MALRD1: variants seen among roughly 807,000 people sequenced by gnomAD.
MALRD1 encodes the protein MAM and LDL-receptor class A domain-containing protein 1.
Under a neutral mutation model 242.1 loss-of-function variants are expected in MALRD1, and 247 were observed. That is an observed-to-expected ratio of 1.02 (90% CI 0.92 to 1.13). The LOEUF (loss-of-function observed/expected upper bound fraction) is 1.13. MALRD1 is among the 50% of genes most tolerant of loss of function. The pLI is 0.00. For missense variants in MALRD1, 2,989 were observed against 2,533.1 expected, an observed-to-expected ratio of 1.18 and a Z score of -3.86; for synonymous variants, 995 against 866.6, an observed-to-expected ratio of 1.15 and a Z score of -2.60.
intron 29 of MALRD1, among the ~76,000 whole-genome samples, chr10:19,472,129 C>T (rs566550979): frequency 1.3e-5 from 2 of 152,102 alleles, no homozygotes; most frequent in African/African-American, 4.8e-5. Context: ...TGAAATTTGT[C>T]AAATGCTTTT....
chr10:19,120,213 G>A (rs1837013156), intron 5 of MALRD1, among the ~76,000 whole-genome samples: 1 of 151,904 alleles, frequency 6.6e-6, no homozygotes, highest in Non-Finnish European at 1.5e-5. Flanking sequence ...AAAACCACAA[G>A]AGAGACTGAG....
intron 23 of MALRD1, among the ~76,000 whole-genome samples, chr10:19,329,205 C>T (rs976755766): frequency 1.3e-5 from 2 of 152,154 alleles, no homozygotes; most frequent in African/African-American, 4.8e-5. Context: ...TAAGCACTTA[C>T]TACGTGCAAA....
chr10:19,491,318 C>T (rs1837483673), intron 29 of MALRD1, 199 bp from the exon 30 acceptor site: 7 of 731,388 alleles, frequency 9.6e-6, no homozygotes, highest in Admixed American at 2.3e-5. Context: ...AAAGATATTT[C>T]AGAAGTAGAG....
At chr10:19,291,330 T>A (rs1841412090) in intron 21 of MALRD1, 2 of 152,128 alleles carry the variant, frequency 1.3e-5, no homozygotes, top group Non-Finnish European at 2.9e-5. Flanking sequence ...ACTGAAAATT[T>A]ATATATAAAT....
chr10:19,358,046 A>G (rs1268617896), intron 26 of MALRD1, among the ~76,000 whole-genome samples: 4 of 152,132 alleles, frequency 2.6e-5, no homozygotes, highest in Non-Finnish European at 5.9e-5. Flanking sequence ...ATGAAGGATA[A>G]AAATAATTGT....
intron 36 of MALRD1, among the ~76,000 whole-genome samples, chr10:19,624,089 G>C (rs140121388): frequency 7.6e-4 from 115 of 152,214 alleles, no homozygotes; most frequent in African/African-American, 2.7e-3. Context: ...AATTCTCATG[G>C]AGGTGAATTT....
chr10:19,409,591 A>C (rs1833187879), intron 28 of MALRD1, among the ~76,000 whole-genome samples: 1 of 152,162 alleles, frequency 6.6e-6, no homozygotes, highest in African/African-American at 2.4e-5. Context: ...GTGGTAATTG[A>C]AATGTTTTGT....
At chr10:19,629,504 A>G (rs780297237) in intron 36 of MALRD1, among the ~76,000 whole-genome samples, 2 of 152,028 alleles carry the variant, frequency 1.3e-5, no homozygotes, top group African/African-American at 2.4e-5. Flanking sequence ...TCACTCCATC[A>G]CCCATCCTAA....
chr10:19,198,242 C>T lies in MALRD1; in HGVS notation c.1952-5486C>T, dbSNP rs1338528886. 2.0e-5 allele frequency among the ~76,000 whole-genome samples: 3 copies of T among 152,140 alleles called. No individual in the cohort carries two copies. In the East Asian group the frequency reaches 5.8e-4, roughly 29 times the overall value. On this transcript the variant is annotated intron_variant, in intron 14 of 39. Coordinates refer to ENST00000454679, the MANE Select transcript of MALRD1 (RefSeq NM_001142308.3). ...GACACAAGAGGTGAGATTCCTGTGTCACAGACAGATGACTTTATTACTAAT... is the reference window on the plus strand; with the variant it reads ...GACACAAGAGGTGAGATTCCTGTGTTACAGACAGATGACTTTATTACTAAT...
rs16918326 is a variant in MALRD1 at position 19,185,175 on chromosome 10, A to G, written c.1951+9847A>G. 8.6e-3 allele frequency among the ~76,000 whole-genome samples: 1,303 copies of G among 152,324 alleles called. 14 individuals carry two copies. Among genetic ancestry groups the G allele is most frequent in the African/African-American group, 0.03 (1,234 of 41,582 alleles). On this transcript the variant is annotated intron_variant, in intron 14 of 39. Coordinates refer to ENST00000454679, the MANE Select transcript of MALRD1 (RefSeq NM_001142308.3). ...AAATGGTACATTTTCTCACGCCTACATTGTATTAACAGGACATATATAAAC... is the reference window on the plus strand; with the variant it reads ...AAATGGTACATTTTCTCACGCCTACGTTGTATTAACAGGACATATATAAAC...
chr10:19,523,294 T>C (rs950894944), intron 31 of MALRD1, among the ~76,000 whole-genome samples: 1 of 152,174 alleles, frequency 6.6e-6, no homozygotes, highest in African/African-American at 2.4e-5. Context: ...TACATATGCA[T>C]TAAAATAATG....
chr10:19,288,900 C>T (rs1311533393), intron 21 of MALRD1, among the ~76,000 whole-genome samples: 1 of 152,082 alleles, frequency 6.6e-6, no homozygotes, highest in Non-Finnish European at 1.5e-5. Context: ...GCAGATGGGC[C>T]TTATACTAAA....
intron 32 of MALRD1, among the ~76,000 whole-genome samples, chr10:19,534,988 C>A (rs939785810): frequency 6.6e-6 from 1 of 152,066 alleles, no homozygotes; most frequent in Non-Finnish European, 1.5e-5. Context: ...CTGGTTCAAG[C>A]GATTCTCCTG....
At chr10:19,653,830 G>A (rs888322122) in intron 36 of MALRD1, among the ~76,000 whole-genome samples, 3 of 152,054 alleles carry the variant, frequency 2.0e-5, no homozygotes, top group Non-Finnish European at 2.9e-5. Flanking sequence ...TCCACTATCA[G>A]GTCTTGTCTT....
At chr10:19,368,653 C>T (rs183580951) in intron 26 of MALRD1, among the ~76,000 whole-genome samples, 2 of 151,724 alleles carry the variant, frequency 1.3e-5, no homozygotes, top group East Asian at 1.9e-4. Context: ...CTGTGAAGAA[C>T]GTCATTGATA....
Position 19,155,176 on chromosome 10 carries a change from A to G in MALRD1, c.1656+4A>G, listed in dbSNP as rs1834095626. 1.5e-5 allele frequency: 18 copies of G among 1,230,198 alleles called. No individual in the cohort carries two copies. Among genetic ancestry groups the G allele is most frequent in the Non-Finnish European group, 1.8e-5 (18 of 986,632 alleles). The allele number at this position is 1,230,198 out of a possible 1,614,324, so 76.2% of individuals were successfully genotyped here. On this transcript the variant is annotated splice_donor_region_variant and intron_variant, in intron 12 of 39. Coordinates refer to ENST00000454679, the MANE Select transcript of MALRD1 (RefSeq NM_001142308.3). ...CACTGCCTCTACCCCATGTCAGGTA[A>G]TCAACTGTTCTGAATTTCCACTGGC...
intron 32 of MALRD1, among the ~76,000 whole-genome samples, chr10:19,556,749 A>G (rs1458103763): frequency 2.0e-5 from 3 of 152,138 alleles, no homozygotes; most frequent in South Asian, 2.1e-4. Context: ...GTAGACATAA[A>G]CATTCAGCAC....
chr10:19,087,428 A>C (rs2358305), intron 2 of MALRD1, among the ~76,000 whole-genome samples: 81,716 of 151,768 alleles, frequency 0.54, 22,164 homozygotes, highest in Middle Eastern at 0.6. Context: ...GATGTGGTTA[A>C]ATTATTTGTT....
At chr10:19,580,855 C>G (rs1005148933) in intron 33 of MALRD1, among the ~76,000 whole-genome samples, 1 of 152,212 alleles carries the variant, frequency 6.6e-6, no homozygotes, top group East Asian at 1.9e-4. Flanking sequence ...GCCAAACAAG[C>G]CTTCCTGATT....
Sources: gnomAD v4.1 joint callset for allele counts (sites outside exome capture counted in the v4.1 genomes callset) on GRCh38, gnomAD v4.1.1 for gene constraint, MANE v1.5 for transcripts, NCBI Gene and HGNC (gene_info 2026-07-23, HGNC 2026-07-21) for gene names.